The following FRMD4B variants were observed in gnomAD, a reference collection of about 807,000 sequenced individuals.
FRMD4B encodes the protein FERM domain containing 4B.
Under a neutral mutation model 141.5 loss-of-function variants are expected in FRMD4B, and 74 were observed. That is an observed-to-expected ratio of 0.52 (90% CI 0.43 to 0.63). The LOEUF (loss-of-function observed/expected upper bound fraction) is 0.63. Ranked by LOEUF, FRMD4B falls within the 30% of genes least tolerant of loss-of-function variation. The pLI is 0.00. For missense variants in FRMD4B, 1,366 were observed against 1,253.4 expected (o/e 1.09, Z -1.36); for synonymous variants, 506 against 467.9 (o/e 1.08, Z -1.05).
At position 69,200,645 on chromosome 3, in the gene FRMD4B, G is replaced by A. The variant is rs975392627; in HGVS notation, c.877-1871C>T. 16 of 1,231,424 alleles carry A rather than the reference G, an allele frequency of 1.3e-5. No homozygotes were observed. The East Asian group carries it at 4.0e-4, about 31-fold the overall frequency. 76.3% of individuals were successfully genotyped at this position (1,231,424 alleles called of 1,614,324 possible). On this transcript the variant is annotated intron_variant, in intron 11 of 22. Coordinates refer to ENST00000398540, the MANE Select transcript of FRMD4B (RefSeq NM_015123.3). ...CTACTCCTTCCTCCCATCAGGGAGA[G>A]GAGGGCAAAGTTCTCAGTGGCAGAT...
At chr3:69,390,059 C>T (rs536514132), upstream of FRMD4B, among the ~76,000 whole-genome samples, 2 of 152,112 alleles carry the variant, frequency 1.3e-5, no homozygotes, top group African/African-American at 2.4e-5. Flanking sequence ...GTTGTGCTGT[C>T]GTAAAAGAGA....
intron 1 of FRMD4B, among the ~76,000 whole-genome samples, chr3:69,377,659 A>G (rs1704008226): frequency 6.6e-6 from 1 of 152,146 alleles, no homozygotes; most frequent in Admixed American, 6.5e-5. Flanking sequence ...CCCATCTCCA[A>G]TAATGGGTTA....
intron 5 of FRMD4B, among the ~76,000 whole-genome samples, chr3:69,276,410 C>G (rs2093618139): frequency 6.6e-6 from 1 of 152,066 alleles, no homozygotes; most frequent in South Asian, 2.1e-4. Context: ...GTAGCTGGGA[C>G]TACAGGCGTG....
At chr3:69,344,259 A>C (rs1177022228) in intron 1 of FRMD4B, among the ~76,000 whole-genome samples, 9 of 152,176 alleles carry the variant, frequency 5.9e-5, no homozygotes, top group Admixed American at 5.9e-4. Flanking sequence ...GTGGCTCTAC[A>C]GGCATCTGGG....
At chr3:69,356,480 C>T (rs1472561048) in intron 1 of FRMD4B, among the ~76,000 whole-genome samples, 1 of 151,974 alleles carries the variant, frequency 6.6e-6, no homozygotes, top group Admixed American at 6.6e-5. Flanking sequence ...TTTGGGGACT[C>T]GGACTGGCTC....
intron 1 of FRMD4B, among the ~76,000 whole-genome samples, chr3:69,361,529 C>T (rs1276677104): frequency 6.6e-6 from 1 of 152,182 alleles, no homozygotes; most frequent in Non-Finnish European, 1.5e-5. Context: ...ATAACAACCA[C>T]TATTCAGATT....
chr3:69,181,471 G>A lies in FRMD4B; in HGVS notation c.2279C>T (p.Thr760Ile). 1 of 1,613,900 alleles carries A rather than the reference G, an allele frequency of 6.2e-7. No individual in the cohort carries two copies. The highest frequency in any genetic ancestry group is 8.5e-7 in the Non-Finnish European group (1 of 1,179,826). ...TTTCTTTGACCTCCTCCGACCCCTG[G>A]TGCGAGTGTCCAGGGTCTGGGTGGT... ...YYTTQTLDTR[T>I]RGRRRSKKQN... Residue 760 changes from threonine (T) to isoleucine (I), a missense_variant, in exon 21 of 23, where the codon ACC (threonine) becomes ATC (isoleucine). Physicochemically the swap from Thr to Ile is moderately conservative, Grantham distance 89. Transcript: ENST00000398540.
At chr3:69,269,781 G>A (rs1248416191) in intron 5 of FRMD4B, among the ~76,000 whole-genome samples, 1 of 151,966 alleles carries the variant, frequency 6.6e-6, no homozygotes, top group Non-Finnish European at 1.5e-5. Flanking sequence ...CATCACACCT[G>A]GCTAATTTTT....
At chr3:69,406,892 C>G (rs993238171) in intron 2 of FRMD4B, among the ~76,000 whole-genome samples, 9 of 146,150 alleles carry the variant, frequency 6.2e-5, no homozygotes, top group Non-Finnish European at 8.9e-5. Flanking sequence ...CCACCACACC[C>G]AGTTAATTTT....
At chr3:69,283,970 C>CAAAAAAAAA (rs146536193) in intron 5 of FRMD4B, among the ~76,000 whole-genome samples, 1 of 137,754 alleles carries the variant, frequency 7.3e-6, no homozygotes, top group Non-Finnish European at 1.6e-5. Context: ...CAAAACAAAA[C>CAAAAAAAAA]AAAACAAAAA....
chr3:69,441,057 G>A lies in FRMD4B; in HGVS notation c.-128-8296C>T, dbSNP rs562559398. On this transcript the variant is annotated intron_variant, in intron 1 of 5. Coordinates refer to the FRMD4B transcript ENST00000459638. ...TTTCTGAGTGGTTTTGAGCTCTGGA[G>A]TGATTTTTTTGAAACCCAAATCTGA... Among the ~76,000 whole-genome samples, 6 of 152,242 alleles carry A rather than the reference G, an allele frequency of 3.9e-5. No individual in the cohort carries two copies. The South Asian group carries it at 1.2e-3, about 32-fold the overall frequency.
intron 1 of FRMD4B, among the ~76,000 whole-genome samples, chr3:69,531,230 T>G (rs1388153125): frequency 6.6e-6 from 1 of 152,162 alleles, no homozygotes; most frequent in East Asian, 1.9e-4. Context: ...TTATTAGTAA[T>G]AATGGTAACT....
At chr3:69,507,985 C>G (rs1457918601) in intron 1 of FRMD4B, among the ~76,000 whole-genome samples, 1 of 152,132 alleles carries the variant, frequency 6.6e-6, no homozygotes, top group African/African-American at 2.4e-5. Context: ...TCTCTAAGAA[C>G]AGGGATTTCC....
At chr3:69,443,092 G>A (rs573642184) in intron 1 of FRMD4B, among the ~76,000 whole-genome samples, 3 of 152,280 alleles carry the variant, frequency 2.0e-5, no homozygotes, top group Admixed American at 2.0e-4. Context: ...CAGGGTGGGG[G>A]CTGGTTGCCA....
intron 8 of FRMD4B, among the ~76,000 whole-genome samples, chr3:69,223,059 T>C (rs781224751): frequency 2.0e-5 from 3 of 152,206 alleles, no homozygotes; most frequent in Non-Finnish European, 2.9e-5. Flanking sequence ...TAAAATACTC[T>C]ACTATCACCA....
At position 69,179,851 on chromosome 3, in the gene FRMD4B, G is replaced by C. The variant is rs563063863; in HGVS notation, c.2851+1048C>G. Reference sequence around the variant, plus strand: ...GTGGCCAGGAACTAGTTCAACAATGGGTCCTCCACATCTTGAATGTGGCTG... The same window carrying C: ...GTGGCCAGGAACTAGTTCAACAATGCGTCCTCCACATCTTGAATGTGGCTG... On this transcript the variant is annotated intron_variant, in intron 21 of 22. Transcript: ENST00000398540. Among the ~76,000 whole-genome samples, 6 of 152,122 alleles carry C rather than the reference G, an allele frequency of 3.9e-5. No individual in the cohort carries two copies. In the South Asian group the frequency reaches 6.2e-4, roughly 16 times the overall value.
intron 5 of FRMD4B, among the ~76,000 whole-genome samples, chr3:69,265,337 G>C (rs766539479): frequency 4.3e-5 from 6 of 138,210 alleles, no homozygotes; most frequent in Admixed American, 7.5e-5. Context: ...AATGAGAAAG[G>C]AGAGAAAACT....
intron 1 of FRMD4B, among the ~76,000 whole-genome samples, chr3:69,314,518 ACT>A (rs1701740355): frequency 7.2e-6 from 1 of 138,390 alleles, no homozygotes; most frequent in Admixed American, 7.5e-5. Flanking sequence ...ACACAGCGAG[ACT>A]CTGTCTCAAA....
intron 1 of FRMD4B, among the ~76,000 whole-genome samples, chr3:69,444,088 A>G (rs1341463357): frequency 6.6e-6 from 1 of 151,222 alleles, no homozygotes; most frequent in Non-Finnish European, 1.5e-5. Context: ...CATTTTCCAC[A>G]CCCCTCTGAT....
Sources: gnomAD v4.1 joint callset for allele counts (sites outside exome capture counted in the v4.1 genomes callset) on GRCh38, gnomAD v4.1.1 for gene constraint, MANE v1.5 for transcripts, NCBI Gene and HGNC (gene_info 2026-07-23, HGNC 2026-07-21) for gene names.